The following MARCHF1 variants were observed in gnomAD, a reference collection of about 807,000 sequenced individuals.
The protein encoded by MARCHF1 is E3 ubiquitin-protein ligase MARCHF1.
MARCHF1 carries 40 observed loss-of-function variants against 54.2 expected under a neutral mutation model. The ratio of observed to expected loss-of-function variants is 0.74; its 90% CI spans 0.57 to 0.96. The LOEUF (loss-of-function observed/expected upper bound fraction) is 0.96. Among genes scored for constraint, MARCHF1 ranks in the 40% least tolerant of loss-of-function variants. The pLI is 0.00. For synonymous variants in MARCHF1, 236 were observed against 236.3 expected (o/e 1.00, Z 0.01); for missense variants, 586 against 656.5 (o/e 0.89, Z 1.17).
intron 3 of MARCHF1, among the ~76,000 whole-genome samples, chr4:163,868,267 T>G (rs1750097547): frequency 6.6e-6 from 1 of 151,716 alleles, no homozygotes; most frequent in African/African-American, 2.4e-5. Context: ...TGAGAAAAAT[T>G]TATGACCCAA....
In MARCHF1 at chr4:164,177,009, T is replaced by TATATATATATATAC. The variant is rs1553989397; in HGVS notation, c.-322-65348_-322-65347insGTATATATATATAT. On this transcript the variant is annotated intron_variant, in intron 1 of 9. Transcript: ENST00000514618. The stretch of plus-strand genomic sequence containing the variant: ...ATATATATATATATATATATATATA[T>TATATATATATATAC]ACAAATGATAGAATTAGGCATGTTT... Among the ~76,000 whole-genome samples, 244 of 55,460 alleles carry TATATATATATATAC rather than the reference T, an allele frequency of 4.4e-3. 34 individuals carry two copies. The highest frequency in any genetic ancestry group is 9.6e-3 in the South Asian group (14 of 1,454). The allele number at this position is 55,460 out of a possible 152,430, so 36.4% of individuals were successfully genotyped here. A position where few individuals can be genotyped will look rare whatever the true frequency, so the allele number is the denominator to read the frequency against.
At chr4:164,147,091 C>T (rs977762417) in intron 1 of MARCHF1, among the ~76,000 whole-genome samples, 9 of 152,080 alleles carry the variant, frequency 5.9e-5, no homozygotes, top group African/African-American at 1.9e-4. Context: ...CATCACTGGC[C>T]ATCAGAGAAA....
intron 2 of MARCHF1, among the ~76,000 whole-genome samples, chr4:164,037,259 T>C (rs1754025464): frequency 6.6e-6 from 1 of 152,164 alleles, no homozygotes; most frequent in African/African-American, 2.4e-5. Flanking sequence ...GATGAAAATT[T>C]GGAGATGTTG....
At chr4:163,769,470 TCA>T (rs1221960706) in intron 4 of MARCHF1, among the ~76,000 whole-genome samples, 1 of 152,156 alleles carries the variant, frequency 6.6e-6, no homozygotes, top group African/African-American at 2.4e-5. Flanking sequence ...TAAGGTAGGT[TCA>T]CACAGTTTTG....
intron 1 of MARCHF1, among the ~76,000 whole-genome samples, chr4:164,221,043 T>C (rs1353621609): frequency 6.6e-6 from 1 of 151,960 alleles, no homozygotes; most frequent in African/African-American, 2.4e-5. Flanking sequence ...CCTTTCAGAA[T>C]TGATTTTAAC....
At chr4:164,252,382 A>T (rs1432310300) in intron 1 of MARCHF1, among the ~76,000 whole-genome samples, 1 of 152,134 alleles carries the variant, frequency 6.6e-6, no homozygotes, top group Non-Finnish European at 1.5e-5. Flanking sequence ...GAAAGAAATC[A>T]CTTGAGCTAA....
intron 1 of MARCHF1, chr4:164,190,135 C>G: frequency 6.5e-7 from 1 of 1,545,394 alleles, no homozygotes; most frequent in South Asian, 1.2e-5. Flanking sequence ...AAACTTTCCT[C>G]TGAAGATAAG....
At chr4:163,548,101 A>T (rs1041309627) in intron 8 of MARCHF1, among the ~76,000 whole-genome samples, 1 of 152,196 alleles carries the variant, frequency 6.6e-6, no homozygotes, top group Non-Finnish European at 1.5e-5. Flanking sequence ...TTGATTTTTT[A>T]AAAATCCTGT....
chr4:164,242,553 C>T (rs1391835875), intron 1 of MARCHF1, among the ~76,000 whole-genome samples: 1 of 151,814 alleles, frequency 6.6e-6, no homozygotes, highest in East Asian at 1.9e-4. Context: ...AAACTGGAAA[C>T]TCTAAAAAGC....
At chr4:163,930,321 A>T (rs1751642572) in intron 3 of MARCHF1, among the ~76,000 whole-genome samples, 1 of 151,828 alleles carries the variant, frequency 6.6e-6, no homozygotes, top group Non-Finnish European at 1.5e-5. Flanking sequence ...CCTTTGGGGA[A>T]TAGGAACCAA....
At chr4:164,274,787 C>T (rs1162513009) in intron 1 of MARCHF1, among the ~76,000 whole-genome samples, 1 of 148,960 alleles carries the variant, frequency 6.7e-6, no homozygotes, top group Non-Finnish European at 1.5e-5. Flanking sequence ...CACCATTCTC[C>T]TGCCTCAGCC....
At chr4:164,176,970 CTCTCTCTCTCTATATATATA>C (rs1388436857) in intron 1 of MARCHF1, among the ~76,000 whole-genome samples, 4 of 57,438 alleles carry the variant, frequency 7.0e-5, no homozygotes, top group African/African-American at 2.4e-4. Context: ...CTCTCTCTCT[CTCTCTCTCTCTATATATATA>C]TATATATATA....
chr4:164,220,301 AATATATATAGGAATTCAT>A (rs1353447414), intron 1 of MARCHF1, among the ~76,000 whole-genome samples: 2 of 145,472 alleles, frequency 1.4e-5, no homozygotes, highest in East Asian at 4.0e-4. Context: ...TATATATATG[AATATATATAGGAATTCAT>A]ATATATATAG....
chr4:163,603,157 G>A lies in MARCHF1; in HGVS notation c.1010+9114C>T, dbSNP rs147286280. ...AATTGTCTGAAAGATTAAGGTAAAG[G>A]GAAGTGTAATTTTTTTTTCTCTAAA... is the stretch of plus-strand genomic sequence containing the variant. On this transcript the variant is annotated intron_variant, in intron 7 of 9. Coordinates refer to ENST00000514618, the MANE Select transcript of MARCHF1 (RefSeq NM_001394959.1). 4.0e-5 allele frequency among the ~76,000 whole-genome samples: 5 copies of A among 125,992 alleles called. No homozygotes were observed. The East Asian group carries it at 1.4e-3, about 34-fold the overall frequency. 82.7% of individuals were successfully genotyped at this position (125,992 alleles called of 152,430 possible). A position where few individuals can be genotyped will look rare whatever the true frequency, so the allele number is the denominator to read the frequency against.
In MARCHF1 at chr4:163,528,022, G is replaced by A. The variant is rs902808637; in HGVS notation, c.*726C>T. ...CAGCACTGTATTAGAGGAACCAGAT[G>A]AAAATAAATATAAGACCTGATAACA... On this transcript the variant is annotated 3_prime_UTR_variant, in exon 10 of 10. Coordinates refer to ENST00000514618, the MANE Select transcript of MARCHF1 (RefSeq NM_001394959.1). The A allele has an allele frequency of 6.6e-6, 1 of 152,438 alleles. No homozygotes were observed. The allele number at this position is 152,438 out of a possible 1,614,324, so 9.4% of individuals were successfully genotyped here.
chr4:164,295,557 T>C (rs1418765178), intron 1 of MARCHF1, among the ~76,000 whole-genome samples: 1 of 152,138 alleles, frequency 6.6e-6, no homozygotes, highest in Admixed American at 6.6e-5. Flanking sequence ...AAGATTTTGT[T>C]TGAACTGAAG....
At chr4:163,992,169 C>T (rs1318150633) in intron 2 of MARCHF1, among the ~76,000 whole-genome samples, 1 of 147,666 alleles carries the variant, frequency 6.8e-6, no homozygotes, top group Non-Finnish European at 1.5e-5. Flanking sequence ...ACCAAGTAAA[C>T]ATCTGCTAAC....
chr4:163,828,089 T>C lies in MARCHF1; in HGVS notation c.111+25932A>G, dbSNP rs148466877. Among the ~76,000 whole-genome samples, 762 of 150,814 alleles carry C rather than the reference T, an allele frequency of 5.1e-3. 7 individuals are homozygous for C. Among genetic ancestry groups the C allele is most frequent in the African/African-American group, 0.018 (729 of 41,216 alleles). Reference sequence around the variant, plus strand: ...TTGTCATTCTCCTCCTCCTCAGCACTTCTGATGTTCATCCTGGTTGAAAAC... The same window carrying C: ...TTGTCATTCTCCTCCTCCTCAGCACCTCTGATGTTCATCCTGGTTGAAAAC... On this transcript the variant is annotated intron_variant, in intron 4 of 9. Coordinates refer to ENST00000514618, the MANE Select transcript of MARCHF1 (RefSeq NM_001394959.1).
intron 4 of MARCHF1, among the ~76,000 whole-genome samples, chr4:163,817,678 A>T (rs1748578709): frequency 6.6e-6 from 1 of 152,126 alleles, no homozygotes; most frequent in Admixed American, 6.6e-5. Flanking sequence ...TAAAATTTAC[A>T]CATAAATTAG....
Sources: gnomAD v4.1 joint callset for allele counts (sites outside exome capture counted in the v4.1 genomes callset) on GRCh38, gnomAD v4.1.1 for gene constraint, MANE v1.5 for transcripts, NCBI Gene and HGNC (gene_info 2026-07-23, HGNC 2026-07-21) for gene names.